Variants in GRM3 observed in about 807,000 individuals in gnomAD.
GRM3 encodes metabotropic glutamate receptor 3.
In GRM3, 26 loss-of-function variants were observed where a neutral mutation model predicts 70.5. The observed-to-expected ratio is 0.37, with a 90% CI of 0.27 to 0.51. GRM3 has a LOEUF of 0.51. GRM3 is among the 20% of genes least tolerant of loss of function. The pLI, the probability that GRM3 is intolerant of heterozygous loss-of-function variation, is 0.93. For missense variants in GRM3, 859 were observed against 1,123.8 expected, an observed-to-expected ratio of 0.76 and a Z score of 3.37; for synonymous variants, 443 against 434.9, an observed-to-expected ratio of 1.02 and a Z score of -0.23.
chr7:86,849,854 A>G (rs1403944168), intron 4 of GRM3, among the ~76,000 whole-genome samples: 1 of 152,184 alleles, frequency 6.6e-6, no homozygotes, highest in African/African-American at 2.4e-5. Flanking sequence ...GTGATCCCCA[A>G]CAAAGAATAG....
At chr7:86,708,289 T>C (rs1018700573) in intron 1 of GRM3, among the ~76,000 whole-genome samples, 2 of 152,142 alleles carry the variant, frequency 1.3e-5, no homozygotes, top group African/African-American at 2.4e-5. Flanking sequence ...GTGGTCTCTA[T>C]AGTTTGTATC....
chr7:86,661,883 C>T (rs1207285227), intron 1 of GRM3, among the ~76,000 whole-genome samples: 26 of 151,796 alleles, frequency 1.7e-4, no homozygotes. Flanking sequence ...CTCCATAAAG[C>T]ATAATAGGCA....
intron 1 of GRM3, among the ~76,000 whole-genome samples, chr7:86,680,291 A>G (rs151262803): frequency 6.6e-6 from 1 of 152,290 alleles, no homozygotes; most frequent in Non-Finnish European, 1.5e-5. Flanking sequence ...CAGGATGTGT[A>G]TTTATTATTG....
intron 1 of GRM3, among the ~76,000 whole-genome samples, chr7:86,702,204 AAAG>A (rs1244929271): frequency 6.6e-6 from 1 of 152,068 alleles, no homozygotes; most frequent in African/African-American, 2.4e-5. Flanking sequence ...CAGAAAATGA[AAAG>A]GAGACAAATT....
At chr7:86,824,744 G>A (rs1282198959) in intron 3 of GRM3, among the ~76,000 whole-genome samples, 1 of 152,002 alleles carries the variant, frequency 6.6e-6, no homozygotes, top group Non-Finnish European at 1.5e-5. Context: ...CCATCTCCTG[G>A]TTTTTCAGTA....
intron 1 of GRM3, among the ~76,000 whole-genome samples, chr7:86,666,307 A>G (rs1423951891): frequency 6.6e-6 from 1 of 152,054 alleles, no homozygotes; most frequent in East Asian, 1.9e-4. Context: ...AAGCAAATGG[A>G]ATGATACTTC....
At chr7:86,683,015 A>C (rs904064007) in intron 1 of GRM3, among the ~76,000 whole-genome samples, 2 of 152,174 alleles carry the variant, frequency 1.3e-5, no homozygotes, top group South Asian at 4.1e-4. Flanking sequence ...TTCAGATTTG[A>C]ACTGAACAAA....
intron 1 of GRM3, among the ~76,000 whole-genome samples, chr7:86,747,116 T>C (rs1361511279): frequency 6.6e-6 from 1 of 152,086 alleles, no homozygotes; most frequent in Non-Finnish European, 1.5e-5. Flanking sequence ...TAAGTGTCCA[T>C]GATCCCATTA....
intron 1 of GRM3, among the ~76,000 whole-genome samples, chr7:86,663,067 A>G (rs976162259): frequency 6.6e-6 from 1 of 151,938 alleles, no homozygotes; most frequent in Non-Finnish European, 1.5e-5. Flanking sequence ...ATGACCTTTT[A>G]CTAGAAATTC....
chr7:86,647,215 T>C (rs1195527779), intron 1 of GRM3, among the ~76,000 whole-genome samples: 2 of 152,326 alleles, frequency 1.3e-5, no homozygotes, highest in East Asian at 1.9e-4. Context: ...CCTGGGTACA[T>C]TTTCCTCACT....
chr7:86,754,083 T>G (rs1199437186), intron 1 of GRM3, among the ~76,000 whole-genome samples: 1 of 152,106 alleles, frequency 6.6e-6, no homozygotes, highest in Non-Finnish European at 1.5e-5. Flanking sequence ...TTACGCCAGG[T>G]TTAACTTATC....
intron 2 of GRM3, among the ~76,000 whole-genome samples, chr7:86,771,706 C>T (rs147568663): frequency 9.6e-4 from 146 of 152,090 alleles, no homozygotes; most frequent in African/African-American, 3.4e-3. Context: ...ATACATAAAA[C>T]AAGTCCAAGT....
intron 1 of GRM3, among the ~76,000 whole-genome samples, chr7:86,712,075 A>G (rs1000969305): frequency 6.6e-6 from 1 of 152,064 alleles, no homozygotes; most frequent in Non-Finnish European, 1.5e-5. Flanking sequence ...TCCAGAAGAA[A>G]ACCTCAGAGG....
intron 1 of GRM3, among the ~76,000 whole-genome samples, chr7:86,688,206 A>G (rs1339450108): frequency 6.6e-6 from 1 of 151,722 alleles, no homozygotes; most frequent in Non-Finnish European, 1.5e-5. Context: ...AAAAACACAG[A>G]ATTTGTCAGA....
chr7:86,714,983 T>C (rs1053082202), intron 1 of GRM3, among the ~76,000 whole-genome samples: 3 of 152,038 alleles, frequency 2.0e-5, no homozygotes, highest in African/African-American at 7.2e-5. Flanking sequence ...AAATTTCACC[T>C]CTCTACTCAT....
chr7:86,786,548 C>T lies in GRM3; in HGVS notation c.756C>T (p.Ile252=). 6.2e-6 allele frequency: 10 copies of T among 1,614,094 alleles called. No individual in the cohort carries two copies. Among genetic ancestry groups the T allele is most frequent in the Non-Finnish European group, 8.5e-6 (10 of 1,180,050 alleles). Reference sequence around the variant, plus strand: ...CGGAGAAGGTGGGCCGCTCCAACATCCGCAAGTCCTACGACAGCGTGATCC... The same window carrying T: ...CGGAGAAGGTGGGCCGCTCCAACATTCGCAAGTCCTACGACAGCGTGATCC... The part of the protein sequence containing the change: ...ATAEKVGRSN[I]RKSYDSVIRE... The change falls in exon 3 of 6, where the codon ATC becomes ATT. Residue 252 remains isoleucine (I), a synonymous_variant. Transcript: ENST00000361669. This position sits in a 1 kb window ranked among gnomAD's most constrained non-coding sequence, Gnocchi z 6.0.
chr7:86,791,514 G>A (rs940118086), intron 3 of GRM3, among the ~76,000 whole-genome samples: 9 of 152,212 alleles, frequency 5.9e-5, no homozygotes, highest in African/African-American at 1.7e-4. Context: ...AAAGTGATTC[G>A]CCCAAGATCA....
rs1238569536 is a variant in GRM3 at position 86,850,477 on chromosome 7, T to C, written c.2499T>C (p.Asn833=). ...TCATCCTGTTTCAACCCCAGAAGAA[T>C]GTTGTCACACACAGACTGCACCTCA... The part of the protein sequence containing the change: ...VHIILFQPQK[N]VVTHRLHLNR... Residue 833 remains asparagine, a synonymous_variant, in exon 5 of 6, where the codon AAT becomes AAC. Transcript: ENST00000361669. 3 of 1,612,242 alleles carry C rather than the reference T, an allele frequency of 1.9e-6. No homozygotes were observed. The African/African-American group carries it at 4.0e-5, about 22-fold the overall frequency.
intron 5 of GRM3, among the ~76,000 whole-genome samples, chr7:86,856,675 G>A (rs1158891954): frequency 6.6e-6 from 1 of 152,074 alleles, no homozygotes; most frequent in Non-Finnish European, 1.5e-5. Flanking sequence ...CATTGTCAAT[G>A]GAAGAATAGA....
Sources: allele counts gnomAD v4.1 joint callset (sites outside exome capture counted in the v4.1 genomes callset), GRCh38; gene constraint gnomAD v4.1.1; non-coding constraint Gnocchi (gnomAD v3.1); transcripts MANE v1.5; gene names NCBI Gene and HGNC (gene_info 2026-07-23, HGNC 2026-07-21).